The following GADL1 variants were observed in gnomAD, a reference collection of about 807,000 sequenced individuals.
GADL1 encodes acidic amino acid decarboxylase GADL1.
A neutral mutation model predicts 69.5 loss-of-function variants in GADL1; 71 were observed. That is an observed-to-expected ratio of 1.02 (90% CI 0.84 to 1.25). The LOEUF (loss-of-function observed/expected upper bound fraction) is 1.25, where lower values mean the gene tolerates loss of function less well. Among genes scored for constraint, GADL1 ranks in the 50% most tolerant of loss-of-function variants. GADL1 has a pLI of 0.00. For synonymous variants in GADL1, 254 were observed against 214.4 expected (o/e 1.18, Z -1.62); for missense variants, 737 against 631.8 (o/e 1.17, Z -1.79).
intron 14 of GADL1, among the ~76,000 whole-genome samples, chr3:30,769,547 A>G (rs1190034244): frequency 1.4e-5 from 1 of 71,386 alleles, no homozygotes; most frequent in Non-Finnish European, 2.7e-5. Flanking sequence ...TGGTCTAATC[A>G]TGGGCCAGCT....
At chr3:30,845,291 C>T (rs1404635892) in intron 6 of GADL1, among the ~76,000 whole-genome samples, 1 of 152,090 alleles carries the variant, frequency 6.6e-6, no homozygotes, top group Non-Finnish European at 1.5e-5. Context: ...ACATGAAGCC[C>T]ATAAAATAAT....
chr3:30,791,028 A>G (rs2125501956), intron 12 of GADL1, among the ~76,000 whole-genome samples: 1 of 152,100 alleles, frequency 6.6e-6, no homozygotes, highest in Non-Finnish European at 1.5e-5. Context: ...ATCCACATGT[A>G]TATACAAAGT....
chr3:30,794,400 G>A (rs1307816952), intron 12 of GADL1, among the ~76,000 whole-genome samples: 1 of 152,200 alleles, frequency 6.6e-6, no homozygotes, highest in South Asian at 2.1e-4. Flanking sequence ...CCTAGAAGGT[G>A]CCCTCAGCAA....
At chr3:30,799,153 G>A (rs1697110893) in intron 12 of GADL1, 2 of 152,364 alleles carry the variant, frequency 1.3e-5, no homozygotes, top group Non-Finnish European at 2.9e-5. Flanking sequence ...GGGACTCTGT[G>A]TGGGGGCTCT....
chr3:30,787,387 C>T (rs1696819055), intron 12 of GADL1, among the ~76,000 whole-genome samples: 1 of 152,156 alleles, frequency 6.6e-6, no homozygotes, highest in Non-Finnish European at 1.5e-5. Context: ...ATAATATTGA[C>T]TCCTCTCTTC....
At chr3:30,792,055 C>T (rs533303350) in intron 12 of GADL1, among the ~76,000 whole-genome samples, 74 of 152,226 alleles carry the variant, frequency 4.9e-4, no homozygotes, top group African/African-American at 1.4e-3. Flanking sequence ...AGCATGAGAA[C>T]GGACTGATAC....
intron 11 of GADL1, among the ~76,000 whole-genome samples, chr3:30,830,406 T>C (rs999890632): frequency 1.3e-5 from 2 of 151,984 alleles, no homozygotes; most frequent in Non-Finnish European, 2.9e-5. Flanking sequence ...TCAATGTCTT[T>C]CGTTATGGGG....
intron 14 of GADL1, among the ~76,000 whole-genome samples, chr3:30,773,678 T>C (rs188796929): frequency 1.1e-4 from 17 of 152,314 alleles, no homozygotes; most frequent in African/African-American, 3.8e-4. Context: ...TGTACTAAAA[T>C]TTAGCCAGCT....
intron 1 of GADL1, among the ~76,000 whole-genome samples, chr3:30,880,085 C>T (rs1454816822): frequency 2.0e-5 from 3 of 151,866 alleles, no homozygotes; most frequent in South Asian, 4.1e-4. Context: ...AAATACATTC[C>T]TGAAAACACA....
At chr3:30,771,285 C>A (rs1696413985) in intron 14 of GADL1, among the ~76,000 whole-genome samples, 1 of 152,172 alleles carries the variant, frequency 6.6e-6, no homozygotes, top group Admixed American at 6.5e-5. Flanking sequence ...CCCTTAGTTG[C>A]AGAATGGCAT....
At chr3:30,766,018 G>A (rs1320412462) in intron 14 of GADL1, among the ~76,000 whole-genome samples, 1 of 152,186 alleles carries the variant, frequency 6.6e-6, no homozygotes, top group Middle Eastern at 3.2e-3. Flanking sequence ...TAAGTCTTGG[G>A]AAAGCTGAGA....
chr3:30,761,226 G>A (rs567135096), intron 14 of GADL1, among the ~76,000 whole-genome samples: 2 of 152,162 alleles, frequency 1.3e-5, no homozygotes, highest in South Asian at 4.2e-4. Context: ...ATTGAGAGAT[G>A]TTCTATCGTG....
rs1559503751 is a variant in GADL1, at chr3:30,800,987, A to G, written c.1152T>C (p.Cys384=). The G allele has an allele frequency of 1.2e-6, 2 of 1,613,996 alleles. No homozygotes were observed. The highest frequency in any genetic ancestry group is 1.7e-6 in the Non-Finnish European group (2 of 1,179,888). ...SYDTGDKSIQ[C]SRRPDAFKFW... is the part of the protein sequence containing the mutation. ...ACTTGAATGCATCTGGTCTTCTGCT[A>G]CACTGGATAGACTTGTCTCCTGTGT... Residue 384 remains cysteine, a synonymous_variant, in exon 12 of 15, where the codon TGT becomes TGC. Coordinates refer to ENST00000282538, the MANE Select transcript of GADL1 (RefSeq NM_207359.3).
intron 14 of GADL1, among the ~76,000 whole-genome samples, chr3:30,770,405 A>G (rs1186583708): frequency 1.3e-5 from 2 of 152,250 alleles, no homozygotes; most frequent in Non-Finnish European, 2.9e-5. Context: ...AACTTGGCTC[A>G]TGTGCAAATG....
chr3:30,841,051 C>T (rs1442492406), intron 8 of GADL1, among the ~76,000 whole-genome samples: 1 of 152,170 alleles, frequency 6.6e-6, no homozygotes, highest in East Asian at 1.9e-4. Context: ...TGTCATAGGC[C>T]AGGGAGTTGA....
In GADL1 at chr3:30,786,347, T is replaced by C. The variant is rs754706610; in HGVS notation, c.1302+8A>G. ...CAAAATCACAAGCACAATTATGCAATCACTTACTTCCATCAGTAACTTGAA... is the reference window on the plus strand; with the variant it reads ...CAAAATCACAAGCACAATTATGCAACCACTTACTTCCATCAGTAACTTGAA... On this transcript the variant is annotated splice_region_variant and intron_variant, in intron 13 of 14. Transcript: ENST00000282538. 2 of 1,538,834 alleles carry C rather than the reference T, an allele frequency of 1.3e-6. No individual in the cohort carries two copies. The highest frequency in any genetic ancestry group is 1.7e-5 in the Admixed American group (1 of 59,790).
chr3:30,891,809 TAAAC>T (rs983808663), intron 1 of GADL1, among the ~76,000 whole-genome samples: 3 of 150,202 alleles, frequency 2.0e-5, no homozygotes, highest in Admixed American at 6.6e-5. Flanking sequence ...TGATAAGAAA[TAAAC>T]AAAAAATGAA....
intron 14 of GADL1, among the ~76,000 whole-genome samples, chr3:30,759,458 G>A (rs911103598): frequency 6.6e-6 from 1 of 152,134 alleles, no homozygotes; most frequent in Admixed American, 6.5e-5. Flanking sequence ...CAAGTTGAAA[G>A]CTTGATGGAA....
intron 14 of GADL1, among the ~76,000 whole-genome samples, chr3:30,769,871 A>AG (rs1696378110): frequency 6.7e-6 from 1 of 150,176 alleles, no homozygotes; most frequent in Non-Finnish European, 1.5e-5. Context: ...GCAAAGATGA[A>AG]GGGACAAACT....
Sources: gnomAD v4.1 joint callset for allele counts (sites outside exome capture counted in the v4.1 genomes callset) on GRCh38, gnomAD v4.1.1 for gene constraint, MANE v1.5 for transcripts, NCBI Gene and HGNC (gene_info 2026-07-23, HGNC 2026-07-21) for gene names.